RABGAP1L: variants seen among roughly 807,000 people sequenced by gnomAD.
RABGAP1L encodes RAB GTPase activating protein 1 like.
Under a neutral mutation model 137.7 loss-of-function variants are expected in RABGAP1L, and 63 were observed. The ratio of observed to expected loss-of-function variants is 0.46; its 90% CI spans 0.37 to 0.56. The LOEUF (loss-of-function observed/expected upper bound fraction) is 0.56. RABGAP1L is among the 20% of genes least tolerant of loss of function. The pLI, the probability that RABGAP1L is intolerant of heterozygous loss-of-function variation, is 0.00. For missense variants in RABGAP1L, 1,095 were observed against 1,244.0 expected, an observed-to-expected ratio of 0.88 and a Z score of 1.80; for synonymous variants, 431 against 433.7, an observed-to-expected ratio of 0.99 and a Z score of 0.08.
chr1:174,485,781 G>A (rs1467710005), intron 13 of RABGAP1L, among the ~76,000 whole-genome samples: 1 of 152,176 alleles, frequency 6.6e-6, no homozygotes, highest in Non-Finnish European at 1.5e-5. Context: ...ATTCATCAAT[G>A]ATATTGGCCT....
At chr1:174,886,251 G>A (rs1655099267) in intron 19 of RABGAP1L, among the ~76,000 whole-genome samples, 1 of 152,018 alleles carries the variant, frequency 6.6e-6, no homozygotes, top group South Asian at 2.1e-4. Flanking sequence ...ATCTTAGGTG[G>A]TCTTCCCGCC....
intron 4 of RABGAP1L, among the ~76,000 whole-genome samples, chr1:174,233,670 G>A (rs1427724853): frequency 1.5e-5 from 2 of 130,642 alleles, no homozygotes; most frequent in Non-Finnish European, 3.1e-5. Flanking sequence ...TATCATTGTT[G>A]GACATTTGGG....
chr1:174,699,002 T>A (rs1342246642), intron 15 of RABGAP1L, among the ~76,000 whole-genome samples: 5 of 148,374 alleles, frequency 3.4e-5, no homozygotes, highest in African/African-American at 1.2e-4. Context: ...TATTTTATTT[T>A]ATTTTTTTTT....
intron 19 of RABGAP1L, among the ~76,000 whole-genome samples, chr1:174,815,318 T>C (rs934980272): frequency 2.0e-5 from 3 of 152,320 alleles, no homozygotes; most frequent in Admixed American, 6.5e-5. Context: ...CTGAGACTTA[T>C]GTGTTAGACA....
At chr1:174,840,041 A>T (rs1214554759) in intron 19 of RABGAP1L, among the ~76,000 whole-genome samples, 2 of 152,178 alleles carry the variant, frequency 1.3e-5, no homozygotes, top group East Asian at 3.8e-4. Context: ...CTGAACTATT[A>T]TACTATATTA....
intron 11 of RABGAP1L, among the ~76,000 whole-genome samples, chr1:174,351,665 T>G (rs1037189196): frequency 2.0e-5 from 3 of 152,260 alleles, no homozygotes; most frequent in African/African-American, 7.2e-5. Context: ...TTGGGTGTTT[T>G]GACCTTTGGG....
At chr1:174,848,800 G>C (rs1284933884) in intron 19 of RABGAP1L, among the ~76,000 whole-genome samples, 2 of 151,174 alleles carry the variant, frequency 1.3e-5, no homozygotes, top group East Asian at 3.9e-4. Flanking sequence ...AGCAAGCCTG[G>C]GCAATGGCGG....
intron 13 of RABGAP1L, chr1:174,449,074 C>T (rs2149252618): frequency 1.2e-6 from 2 of 1,614,088 alleles, no homozygotes; most frequent in East Asian, 2.2e-5. Context: ...GCCTCTCCAA[C>T]AGCGTTTTCC....
chr1:174,989,670 A>G (rs980760696), intron 25 of RABGAP1L, among the ~76,000 whole-genome samples, 179 bp from the exon 26 acceptor site: 1 of 152,156 alleles, frequency 6.6e-6, no homozygotes, highest in Admixed American at 6.6e-5. Context: ...ATTTTTGATA[A>G]GTCTTTTAGC....
intron 19 of RABGAP1L, among the ~76,000 whole-genome samples, chr1:174,851,182 A>C (rs143296624): frequency 6.6e-6 from 1 of 152,228 alleles, no homozygotes; most frequent in Non-Finnish European, 1.5e-5. Context: ...CAGCTGCTAA[A>C]TATGTTATAT....
chr1:174,622,063 C>T (rs577080696), intron 13 of RABGAP1L, among the ~76,000 whole-genome samples: 2 of 152,120 alleles, frequency 1.3e-5, no homozygotes, highest in Non-Finnish European at 1.5e-5. Flanking sequence ...AGACAGTTCT[C>T]AAAAGAAGAC....
chr1:174,677,159 C>CAAAAAAAAAAAAAAAAAAAAAAA (rs10636911), intron 14 of RABGAP1L, among the ~76,000 whole-genome samples: 2 of 126,354 alleles, frequency 1.6e-5, no homozygotes, highest in Non-Finnish European at 1.6e-5. Flanking sequence ...CCATCTCTAC[C>CAAAAAAAAAAAAAAAAAAAAAAA]AAAAAAAAAA....
intron 13 of RABGAP1L, chr1:174,449,303 C>T (rs1655163027): frequency 5.1e-6 from 5 of 974,128 alleles, no homozygotes; most frequent in African/African-American, 1.6e-5. Context: ...GAATAGTTGA[C>T]TGTAAAATGA....
At chr1:174,762,875 C>G (rs1185109026) in intron 18 of RABGAP1L, among the ~76,000 whole-genome samples, 1 of 135,576 alleles carries the variant, frequency 7.4e-6, no homozygotes. Flanking sequence ...AGTGCAGTGG[C>G]TCTATCTCAG....
chr1:174,194,247 T>G (rs964137540), intron 1 of RABGAP1L, among the ~76,000 whole-genome samples: 3 of 150,910 alleles, frequency 2.0e-5, no homozygotes, highest in African/African-American at 7.4e-5. Flanking sequence ...TTTTTTTTTT[T>G]TTTTGGAGAC....
At position 174,879,107 on chromosome 1, in the gene RABGAP1L, T is replaced by G. The variant is rs949077908; in HGVS notation, c.2340+67147T>G. On this transcript the variant is annotated intron_variant, in intron 19 of 25. Coordinates refer to ENST00000681986, the MANE Select transcript of RABGAP1L (RefSeq NM_001366446.1). ...CTGCCAACACGCCTGGCTGTTTTTT[T>G]TTTTTTTTTTTAAGATGGAGTCTCG... Among the ~76,000 whole-genome samples, 18 of 150,308 alleles carry G rather than the reference T, an allele frequency of 1.2e-4. No homozygotes were observed. The East Asian group carries it at 2.3e-3, about 19-fold the overall frequency.
At chr1:174,625,471 T>C (rs990332865) in intron 13 of RABGAP1L, among the ~76,000 whole-genome samples, 5 of 152,196 alleles carry the variant, frequency 3.3e-5, no homozygotes, top group African/African-American at 1.2e-4. Context: ...CCTTACTCTG[T>C]TGCCCAGGCT....
chr1:174,436,483 C>T (rs1383265795), intron 13 of RABGAP1L, among the ~76,000 whole-genome samples: 2 of 152,112 alleles, frequency 1.3e-5, no homozygotes, highest in African/African-American at 4.8e-5. Flanking sequence ...ATATCCTTCA[C>T]CCACTTTTTG....
chr1:174,475,772 TAAAAAAAAAAAAA>T (rs61597461), intron 13 of RABGAP1L, among the ~76,000 whole-genome samples: 3 of 69,930 alleles, frequency 4.3e-5, no homozygotes, highest in Non-Finnish European at 2.6e-5. Flanking sequence ...CCCCGTGTCT[TAAAAAAAAAAAAA>T]AAAAAAAAAA....
Sources: gnomAD v4.1 joint callset for allele counts (sites outside exome capture counted in the v4.1 genomes callset) on GRCh38, gnomAD v4.1.1 for gene constraint, MANE v1.5 for transcripts, NCBI Gene and HGNC (gene_info 2026-07-23, HGNC 2026-07-21) for gene names.